Variants in STK31 observed in about 807,000 individuals in gnomAD.
The protein encoded by STK31 is serine/threonine-protein kinase 31.
STK31 carries 89 observed loss-of-function variants against 129.7 expected under a neutral mutation model. The ratio of observed to expected loss-of-function variants is 0.69; its 90% CI spans 0.58 to 0.82. STK31 has a LOEUF of 0.82. Ranked by LOEUF, STK31 falls within the 40% of genes least tolerant of loss-of-function variation. The pLI, the probability that STK31 is intolerant of heterozygous loss-of-function variation, is 0.00. For synonymous variants in STK31, 448 were observed against 395.3 expected (o/e 1.13, Z -1.58); for missense variants, 1,187 against 1,176.4 (o/e 1.01, Z -0.13).
intron 8 of STK31, among the ~76,000 whole-genome samples, chr7:23,743,431 C>G (rs1788170261): frequency 6.6e-6 from 1 of 152,180 alleles, no homozygotes; most frequent in South Asian, 2.1e-4. Flanking sequence ...TCTTGACTAG[C>G]AGTTTCCTTT....
intron 6 of STK31, among the ~76,000 whole-genome samples, chr7:23,731,926 A>G (rs1326927442): frequency 6.6e-6 from 1 of 152,262 alleles, no homozygotes; most frequent in African/African-American, 2.4e-5. Context: ...TTTGGAAAAC[A>G]GAATGAAATA....
At chr7:23,720,974 TTTAAACCTTATATAAAA>T (rs1786655436) in intron 4 of STK31, among the ~76,000 whole-genome samples, 1 of 152,200 alleles carries the variant, frequency 6.6e-6, no homozygotes, top group African/African-American at 2.4e-5. Context: ...TTGATGATTA[TTTAAACCTTATATAAAA>T]TTAAATCTAA....
intron 4 of STK31, among the ~76,000 whole-genome samples, chr7:23,725,183 C>T (rs1459886190): frequency 6.6e-6 from 1 of 152,030 alleles, no homozygotes; most frequent in East Asian, 1.9e-4. Flanking sequence ...TTCCAACTCT[C>T]CATAAGGACC....
chr7:23,826,428 T>G (rs1164048374), intron 23 of STK31, among the ~76,000 whole-genome samples: 1 of 152,136 alleles, frequency 6.6e-6, no homozygotes, highest in Non-Finnish European at 1.5e-5. Flanking sequence ...AACCCCTGCC[T>G]TTTTTTGTTT....
chr7:23,802,660 C>T (rs1188155701), intron 22 of STK31, among the ~76,000 whole-genome samples: 1 of 152,084 alleles, frequency 6.6e-6, no homozygotes, highest in African/African-American at 2.4e-5. Context: ...ATTATAGGCA[C>T]CCGCCACCAC....
At chr7:23,810,875 ATATG>A (rs1793085911) in intron 22 of STK31, among the ~76,000 whole-genome samples, 1 of 141,230 alleles carries the variant, frequency 7.1e-6, no homozygotes, top group Non-Finnish European at 1.5e-5. Flanking sequence ...TTATATATAA[ATATG>A]TATAATATAT....
At chr7:23,785,708 G>A (rs1036284540) in intron 18 of STK31, 105 bp downstream of exon 18, 2 of 1,407,390 alleles carry the variant, frequency 1.4e-6, no homozygotes, top group South Asian at 1.5e-5. Context: ...TTTCTAAAGT[G>A]TATAAGTTGA....
At chr7:23,831,418 A>T (rs560440468) in intron 23 of STK31, among the ~76,000 whole-genome samples, 1 of 152,180 alleles carries the variant, frequency 6.6e-6, no homozygotes, top group Admixed American at 6.5e-5. Context: ...TGATACAAGT[A>T]TAGTTACACC....
chr7:23,737,156 C>T (rs1787768472), intron 8 of STK31, 78 bp downstream of exon 8: 1 of 1,292,864 alleles, frequency 7.7e-7, no homozygotes, highest in Non-Finnish European at 1.0e-6. Flanking sequence ...ATTTTTCTGT[C>T]ACTTTCCTTT....
chr7:23,769,354 C>T (rs1790036326), intron 12 of STK31, among the ~76,000 whole-genome samples, 180 bp downstream of exon 12: 1 of 151,904 alleles, frequency 6.6e-6, no homozygotes, highest in African/African-American at 2.4e-5. Flanking sequence ...TTTTATTAGT[C>T]TCAAAAAAAT....
At chr7:23,768,008 T>A (rs977537218) in intron 11 of STK31, among the ~76,000 whole-genome samples, 1 of 152,174 alleles carries the variant, frequency 6.6e-6, no homozygotes, top group Non-Finnish European at 1.5e-5. Context: ...CTTTATTACA[T>A]TAAAAAATTT....
chr7:23,815,443 G>T (rs1191792827), intron 23 of STK31, among the ~76,000 whole-genome samples: 2 of 151,954 alleles, frequency 1.3e-5, no homozygotes, highest in Non-Finnish European at 2.9e-5. Context: ...TAACAATTAG[G>T]GAAGAATATT....
At chr7:23,813,084 T>TTTTA (rs200976373) in intron 22 of STK31, among the ~76,000 whole-genome samples, 25 of 138,376 alleles carry the variant, frequency 1.8e-4, no homozygotes, top group Non-Finnish European at 2.5e-4. Context: ...TGTTCTTTTT[T>TTTTA]TTTTTTTTTT....
At chr7:23,754,891 G>A (rs1465410577) in intron 10 of STK31, among the ~76,000 whole-genome samples, 2 of 152,146 alleles carry the variant, frequency 1.3e-5, no homozygotes, top group Non-Finnish European at 2.9e-5. Context: ...TCTTTATCCA[G>A]TCTATCGTTG....
intron 10 of STK31, among the ~76,000 whole-genome samples, chr7:23,755,895 G>A (rs545171970): frequency 1.3e-5 from 2 of 152,312 alleles, no homozygotes; most frequent in South Asian, 4.1e-4. Flanking sequence ...TTTGGTTACT[G>A]TAGCCTTGTA....
chr7:23,730,880 T>G (rs7805243), intron 6 of STK31, among the ~76,000 whole-genome samples: 1 of 40,216 alleles, frequency 2.5e-5, no homozygotes, highest in African/African-American at 7.5e-5. Flanking sequence ...ATATATATAT[T>G]TTTTTTTTTT....
intron 22 of STK31, among the ~76,000 whole-genome samples, chr7:23,807,821 C>T (rs189848532): frequency 7.9e-5 from 12 of 151,986 alleles, no homozygotes; most frequent in Non-Finnish European, 1.3e-4. Context: ...TTTATTCTAT[C>T]ATTCAGTCCA....
At chr7:23,714,428 T>C (rs996375452) in intron 3 of STK31, among the ~76,000 whole-genome samples, 6 of 152,208 alleles carry the variant, frequency 3.9e-5, no homozygotes, top group African/African-American at 1.4e-4. Context: ...TGCTGTCTAG[T>C]AGAAATATAT....
At position 23,769,127 on chromosome 7, in the gene STK31, G is replaced by T; in HGVS notation, c.1549G>T (p.Asp517Tyr). The T allele has an allele frequency of 6.2e-7, 1 of 1,612,396 alleles. No individual in the cohort carries two copies. Among genetic ancestry groups the T allele is most frequent in the South Asian group, 1.1e-5 (1 of 90,596 alleles). The change falls in exon 12 of 24, where the codon GAC becomes TAC. Residue 517 changes from aspartate to tyrosine, a missense_variant. Asp to Tyr is a radical substitution (Grantham distance 160). Around this residue, in one of 5 missense-constraint regions of STK31, gnomAD observed 975 missense variants for 934.9 expected, o/e 1.04. Transcript: ENST00000355870. ...GTTCACCAGTGTTAGAAGTGAAACA[G>T]ACGCTTCTCTGCACCGTCTTGTAGC... Reference protein sequence around the residue: ...EEFTSVRSETDASLHRLVAWF... With the variant: ...EEFTSVRSETYASLHRLVAWF...
Sources: allele counts gnomAD v4.1 joint callset (sites outside exome capture counted in the v4.1 genomes callset), GRCh38; gene constraint gnomAD v4.1.1; regional missense constraint gnomAD v4.1.1; transcripts MANE v1.5; gene names NCBI Gene and HGNC (gene_info 2026-07-23, HGNC 2026-07-21).